USP28: variants seen among roughly 807,000 people sequenced by gnomAD.
The protein encoded by USP28 is ubiquitin specific peptidase 28, also known as ubiquitin carboxyl-terminal hydrolase 28.
USP28 carries 113 observed loss-of-function variants against 145.0 expected under a neutral mutation model. The observed-to-expected ratio is 0.78, with a 90% CI of 0.67 to 0.91. The LOEUF is 0.91. Among genes scored for constraint, USP28 ranks in the 40% least tolerant of loss-of-function variants. The pLI is 0.00. For synonymous variants in USP28, 447 were observed against 450.9 expected, an observed-to-expected ratio of 0.99 and a Z score of 0.11; for missense variants, 1,201 against 1,289.6, an observed-to-expected ratio of 0.93 and a Z score of 1.05.
At chr11:113,874,423 GAAAAAAAAA>G (rs778295743) in intron 1 of USP28, 642 of 414,006 alleles carry the variant, frequency 1.6e-3, no homozygotes, top group Non-Finnish European at 1.7e-3. Flanking sequence ...AGACTCTGTC[GAAAAAAAAA>G]AAAAAAAAAA....
chr11:113,821,119 C>A, intron 12 of USP28: 2 of 241,122 alleles, frequency 8.3e-6, no homozygotes, highest in South Asian at 1.3e-4. Context: ...GCTTTGAAGT[C>A]ATTGTGGATG....
At position 113,806,412 on chromosome 11, in the gene USP28, T is replaced by C. The variant is rs1475855715; in HGVS notation, c.2400+77A>G. 6 of 1,294,468 alleles carry C rather than the reference T, an allele frequency of 4.6e-6. No homozygotes were observed. The East Asian group carries it at 1.5e-4, about 31-fold the overall frequency. 80.2% of individuals were successfully genotyped at this position (1,294,468 alleles called of 1,614,324 possible). A position where few individuals can be genotyped will look rare whatever the true frequency, so the allele number is the denominator to read the frequency against. ...CCACACCCAGCCTTAACCCCATTTT[T>C]TCCCTTCTTATAGAATTATTTCCCC... On this transcript the variant is annotated intron_variant, in intron 19 of 24. Coordinates refer to ENST00000003302, the Ensembl canonical transcript of USP28.
intron 18 of USP28, among the ~76,000 whole-genome samples, chr11:113,807,095 C>CA (rs1197640318): frequency 1.3e-5 from 2 of 150,236 alleles, no homozygotes; most frequent in Admixed American, 6.6e-5. Context: ...TTTTGGGAGA[C>CA]AGAGTCTCGC....
intron 1 of USP28, among the ~76,000 whole-genome samples, chr11:113,868,272 C>G (rs114150325): frequency 0.01 from 1,540 of 152,298 alleles, 33 homozygotes; most frequent in African/African-American, 0.036. Context: ...CTAAACTCCT[C>G]TAGAGTTTAC....
At chr11:113,860,413 T>C (rs1442752773) in intron 1 of USP28, among the ~76,000 whole-genome samples, 21 of 95,766 alleles carry the variant, frequency 2.2e-4, no homozygotes, top group Admixed American at 2.2e-3. Context: ...TTCGCAATTA[T>C]AAAATAAAAC....
At chr11:113,863,461 C>T (rs1355673288) in intron 1 of USP28, among the ~76,000 whole-genome samples, 3 of 151,308 alleles carry the variant, frequency 2.0e-5, no homozygotes, top group Non-Finnish European at 4.4e-5. Flanking sequence ...GCCTGAGCAA[C>T]GTGGCAAAAC....
intron 1 of USP28, among the ~76,000 whole-genome samples, chr11:113,871,126 A>G (rs551820925): frequency 3.3e-5 from 5 of 152,312 alleles, no homozygotes; most frequent in African/African-American, 1.2e-4. Flanking sequence ...TCCTTGGTAT[A>G]AATATTCCCA....
chr11:113,842,509 C>T (rs138313454), intron 3 of USP28, among the ~76,000 whole-genome samples: 3 of 151,272 alleles, frequency 2.0e-5, no homozygotes, highest in East Asian at 2.0e-4. Context: ...GGCGTAAACC[C>T]GGGAGGTGGA....
intron 11 of USP28, among the ~76,000 whole-genome samples, chr11:113,826,047 G>A (rs1199519517): frequency 6.6e-6 from 1 of 152,032 alleles, no homozygotes; most frequent in Non-Finnish European, 1.5e-5. Context: ...CACTTTGGGA[G>A]GCAGAGACGG....
At chr11:113,833,478 T>C (rs1944242105) in exon 7 of USP28, 1 of 1,614,060 alleles carries the variant, frequency 6.2e-7, no homozygotes, top group Non-Finnish European at 8.5e-7. Flanking sequence ...TGCAGACGGG[T>C]CTACAAATTT....
At chr11:113,814,168 A>AT (rs1210885253) in intron 14 of USP28, among the ~76,000 whole-genome samples, 1 of 152,204 alleles carries the variant, frequency 6.6e-6, no homozygotes, top group East Asian at 1.9e-4. Context: ...TTAAAACATT[A>AT]TTTTTTATAA....
intron 5 of USP28, among the ~76,000 whole-genome samples, chr11:113,835,978 T>C (rs1472810926): frequency 6.6e-6 from 1 of 152,046 alleles, no homozygotes; most frequent in Admixed American, 6.5e-5. Flanking sequence ...CTCGGGAGGC[T>C]GAGGCAGGAG....
At chr11:113,820,889 C>T (rs1474336763) in intron 12 of USP28, 2 of 154,520 alleles carry the variant, frequency 1.3e-5, no homozygotes, top group African/African-American at 4.8e-5. Context: ...GGTGTTCTTC[C>T]CACTTGAGTT....
intron 12 of USP28, among the ~76,000 whole-genome samples, chr11:113,823,176 C>G (rs538168545): frequency 3.4e-4 from 52 of 152,284 alleles, no homozygotes; most frequent in African/African-American, 1.2e-3. Context: ...AATATTAGCC[C>G]TTTTAATCAG....
At chr11:113,874,886 C>G (rs4288784) in intron 1 of USP28, 68,931 of 1,000,150 alleles carry the variant, frequency 0.069, 2,665 homozygotes, top group Non-Finnish European at 0.077. Flanking sequence ...AAATCTAGAG[C>G]GATGAAGGCA....
At chr11:113,833,715 G>C (rs987729006) in intron 6 of USP28, among the ~76,000 whole-genome samples, 158 bp from the exon 7 acceptor site, 1 of 152,138 alleles carries the variant, frequency 6.6e-6, no homozygotes, top group Admixed American at 6.5e-5. Context: ...CTCTGGTAAG[G>C]ACTGTACTCT....
At chr11:113,819,225 G>A (rs1305081825) in intron 12 of USP28, among the ~76,000 whole-genome samples, 2 of 151,268 alleles carry the variant, frequency 1.3e-5, no homozygotes, top group East Asian at 2.0e-4. Context: ...CAATTGTCCT[G>A]CCTCAGCCTC....
At chr11:113,803,553 T>C (rs1939423459) in intron 22 of USP28, among the ~76,000 whole-genome samples, 1 of 152,224 alleles carries the variant, frequency 6.6e-6, no homozygotes, top group Non-Finnish European at 1.5e-5. Context: ...TCTGAGTTCA[T>C]CTTCATTGAT....
chr11:113,827,056 T>TGG (rs1943456687), intron 11 of USP28, among the ~76,000 whole-genome samples, 177 bp downstream of exon 11: 2 of 151,620 alleles, frequency 1.3e-5, no homozygotes, highest in Admixed American at 6.6e-5. Flanking sequence ...AGAAGCAACA[T>TGG]GAGCACAACC....
Sources: allele counts gnomAD v4.1 joint callset (sites outside exome capture counted in the v4.1 genomes callset), GRCh38; gene constraint gnomAD v4.1.1; transcripts MANE v1.5; gene names NCBI Gene and HGNC (gene_info 2026-07-23, HGNC 2026-07-21).